Variants in COL26A1 observed in about 807,000 individuals in gnomAD.
COL26A1 encodes the protein collagen type XXVI alpha 1 chain.
A neutral mutation model predicts 59.3 loss-of-function variants in COL26A1; 41 were observed. The ratio of observed to expected loss-of-function variants is 0.69; its 90% confidence interval spans 0.54 to 0.90. COL26A1 has a LOEUF of 0.90. Ranked by LOEUF, COL26A1 falls within the 40% of genes least tolerant of loss-of-function variation. COL26A1 has a pLI of 0.00. For synonymous variants in COL26A1, 266 were observed against 256.0 expected (o/e 1.04, Z -0.37); for missense variants, 612 against 602.3 (o/e 1.02, Z -0.17).
intron 3 of COL26A1, among the ~76,000 whole-genome samples, chr7:101,493,793 C>T (rs1343808036): frequency 2.1e-5 from 3 of 139,872 alleles, no homozygotes; most frequent in Non-Finnish European, 4.5e-5. Context: ...ATTAGCCGGG[C>T]GTGGTGGCGG....
At chr7:101,392,442 T>A (rs569636685) in intron 1 of COL26A1, among the ~76,000 whole-genome samples, 1 of 139,206 alleles carries the variant, frequency 7.2e-6, no homozygotes, top group East Asian at 2.3e-4. Context: ...CACTCTGTCA[T>A]CTAGGCTGGA....
chr7:101,455,419 C>T (rs1793445595), intron 3 of COL26A1, among the ~76,000 whole-genome samples: 1 of 152,024 alleles, frequency 6.6e-6, no homozygotes, highest in South Asian at 2.1e-4. Context: ...ACACCTCTCA[C>T]TTGGGTGAGA....
chr7:101,500,354 G>A (rs1216926698), intron 3 of COL26A1, among the ~76,000 whole-genome samples: 1 of 152,280 alleles, frequency 6.6e-6, no homozygotes, highest in African/African-American at 2.4e-5. Context: ...CCCCCATCTC[G>A]ATCCCAAACA....
At chr7:101,426,985 A>G (rs28410408) in intron 2 of COL26A1, among the ~76,000 whole-genome samples, 15,737 of 152,154 alleles carry the variant, frequency 0.1, 1,232 homozygotes, top group African/African-American at 0.22. Context: ...GTGTCTTGCT[A>G]CATTTCACCC....
intron 2 of COL26A1, among the ~76,000 whole-genome samples, chr7:101,444,976 G>A (rs1793151787): frequency 2.0e-5 from 3 of 151,760 alleles, no homozygotes; most frequent in Non-Finnish European, 4.4e-5. Context: ...GAGTAGCTGG[G>A]ACTACAGGTG....
At position 101,499,666 on chromosome 7, in the gene COL26A1, A is replaced by G. The variant is rs896997559; in HGVS notation, c.386-33416A>G. 1.3e-4 allele frequency among the ~76,000 whole-genome samples: 20 copies of G among 152,174 alleles called. No homozygotes were observed. The East Asian group carries it at 3.9e-3, about 29-fold the overall frequency. On this transcript the variant is annotated intron_variant, in intron 3 of 12. Transcript: ENST00000313669. ...ACCACTACACTCCAGCCTGAGTGACAGAGGGAAACTCTGTCTCAAAAATAA... is the reference window on the plus strand; with the variant it reads ...ACCACTACACTCCAGCCTGAGTGACGGAGGGAAACTCTGTCTCAAAAATAA...
In COL26A1 at chr7:101,446,046, C is replaced by CAAAA. The variant is rs60343304; in HGVS notation, c.282-1617_282-1614dup. Among the ~76,000 whole-genome samples, 45 of 50,956 alleles carry CAAAA rather than the reference C, an allele frequency of 8.8e-4. 1 individual carries two copies. The highest frequency in any genetic ancestry group is 2.0e-3 in the South Asian group (2 of 1,008). 33.4% of individuals were successfully genotyped at this position (50,956 alleles called of 152,430 possible). On this transcript the variant is annotated intron_variant, in intron 2 of 12. Coordinates refer to ENST00000313669, the MANE Select transcript of COL26A1 (RefSeq NM_001278563.3). ...CTGATGACAGAGCAAGACTCCGTCT[C>CAAAA]AAAAAAAAAAAAAAAAAAAAAAAAG...
chr7:101,434,204 C>T (rs567806662), intron 2 of COL26A1, among the ~76,000 whole-genome samples: 24 of 50,254 alleles, frequency 4.8e-4, no homozygotes, highest in African/African-American at 2.0e-3. Context: ...CTCTCTCTCC[C>T]GCCCCACCTC....
At chr7:101,524,491 C>A (rs1389119559) in intron 3 of COL26A1, among the ~76,000 whole-genome samples, 7 of 152,198 alleles carry the variant, frequency 4.6e-5, no homozygotes, top group Admixed American at 4.6e-4. Context: ...GGTATAGACA[C>A]TGACATGTTC....
intron 3 of COL26A1, among the ~76,000 whole-genome samples, chr7:101,491,284 A>G (rs977995263): frequency 6.6e-6 from 1 of 152,074 alleles, no homozygotes; most frequent in Non-Finnish European, 1.5e-5. Flanking sequence ...GAAATTGGCC[A>G]TGCTGGGAGT....
At chr7:101,428,046 C>A (rs1452541952) in intron 2 of COL26A1, among the ~76,000 whole-genome samples, 1 of 152,098 alleles carries the variant, frequency 6.6e-6, no homozygotes, top group Admixed American at 6.6e-5. Context: ...GATTTATTGT[C>A]ATGATAACAC....
rs185103704 is a variant in COL26A1, at chr7:101,444,531, C to T, written c.282-3153C>T. ...CTGGGTTCAAATGATTCTCCTGCGT[C>T]AACCTCCCGAGTAGCTGGGATTGCA... On this transcript the variant is annotated intron_variant, in intron 2 of 12. Coordinates refer to ENST00000313669, the MANE Select transcript of COL26A1 (RefSeq NM_001278563.3). Among the ~76,000 whole-genome samples, 40 of 151,798 alleles carry T rather than the reference C, an allele frequency of 2.6e-4. No homozygotes were observed. In the East Asian group the frequency reaches 7.4e-3, roughly 28 times the overall value.
At chr7:101,428,197 A>T (rs1792692286) in intron 2 of COL26A1, among the ~76,000 whole-genome samples, 1 of 151,946 alleles carries the variant, frequency 6.6e-6, no homozygotes. Context: ...GTCTCTACAA[A>T]AATTTTAAAA....
intron 1 of COL26A1, 46 bp downstream of exon 1, chr7:101,363,236 G>T (rs1223332338): frequency 2.4e-6 from 3 of 1,268,600 alleles, no homozygotes; most frequent in African/African-American, 1.7e-5. Context: ...GGGAGGGAGC[G>T]GACAGCGGGG....
At chr7:101,442,141 C>T (rs1248396192) in intron 2 of COL26A1, among the ~76,000 whole-genome samples, 3 of 152,088 alleles carry the variant, frequency 2.0e-5, no homozygotes, top group African/African-American at 2.4e-5. Flanking sequence ...GCGCCTGCCC[C>T]GGGCCCTGGG....
At chr7:101,524,127 C>T (rs775760842) in intron 3 of COL26A1, among the ~76,000 whole-genome samples, 17 of 151,754 alleles carry the variant, frequency 1.1e-4, no homozygotes, top group Non-Finnish European at 2.2e-4. Context: ...AAAAATTAGC[C>T]GGGCATGGTG....
chr7:101,397,946 C>T (rs1022776934), intron 1 of COL26A1, among the ~76,000 whole-genome samples: 1 of 152,222 alleles, frequency 6.6e-6, no homozygotes, highest in African/African-American at 2.4e-5. Flanking sequence ...ACCCAGAGGG[C>T]TCTGGTGTGC....
chr7:101,502,594 CG>C (rs1794728019), intron 3 of COL26A1, among the ~76,000 whole-genome samples: 1 of 152,048 alleles, frequency 6.6e-6, no homozygotes, highest in Admixed American at 6.5e-5. Context: ...AACACAGGAC[CG>C]GGGCCGGAGT....
intron 1 of COL26A1, among the ~76,000 whole-genome samples, chr7:101,414,649 C>T (rs1792331134): frequency 2.0e-5 from 3 of 152,176 alleles, no homozygotes; most frequent in African/African-American, 7.2e-5. Flanking sequence ...GTTGGCCAGG[C>T]TGATCTCAAA....
Sources: allele counts gnomAD v4.1 joint callset (sites outside exome capture counted in the v4.1 genomes callset), GRCh38; gene constraint gnomAD v4.1.1; transcripts MANE v1.5; gene names NCBI Gene and HGNC (gene_info 2026-07-23, HGNC 2026-07-21).